The following PCDH9 variants were observed in gnomAD, a reference collection of about 807,000 sequenced individuals.
PCDH9 encodes the protein protocadherin-9.
PCDH9 carries 24 observed loss-of-function variants against 70.6 expected under a neutral mutation model. The observed-to-expected ratio is 0.34, with a 90% CI of 0.25 to 0.48. The LOEUF (loss-of-function observed/expected upper bound fraction) is 0.48, where lower values mean the gene tolerates loss of function less well. Ranked by LOEUF, PCDH9 falls within the 20% of genes least tolerant of loss-of-function variation. PCDH9 has a pLI of 0.99. For missense variants in PCDH9, 1,281 were observed against 1,503.6 expected (o/e 0.85, Z 2.45); for synonymous variants, 562 against 558.5 (o/e 1.01, Z -0.09).
At chr13:66,735,359 C>T (rs1050409698) in intron 3 of PCDH9, among the ~76,000 whole-genome samples, 1 of 152,100 alleles carries the variant, frequency 6.6e-6, no homozygotes, top group East Asian at 1.9e-4. Flanking sequence ...ATTTGTGAGA[C>T]TTAGAATTTA....
intron 3 of PCDH9, among the ~76,000 whole-genome samples, chr13:66,861,146 G>A (rs567466693): frequency 2.6e-5 from 4 of 152,318 alleles, no homozygotes; most frequent in Non-Finnish European, 4.4e-5. Flanking sequence ...ATGGGGTGGT[G>A]TGAAAATCAC....
chr13:66,849,200 A>G (rs1318430527), intron 3 of PCDH9, among the ~76,000 whole-genome samples: 1 of 151,890 alleles, frequency 6.6e-6, no homozygotes, highest in African/African-American at 2.4e-5. Flanking sequence ...ATATTACTAT[A>G]ACCACTACTA....
intron 4 of PCDH9, among the ~76,000 whole-genome samples, chr13:66,562,479 G>A (rs898362854): frequency 6.6e-6 from 1 of 152,182 alleles, no homozygotes; most frequent in Non-Finnish European, 1.5e-5. Flanking sequence ...CATGGCTGGG[G>A]AGGCCTCACA....
intron 4 of PCDH9, among the ~76,000 whole-genome samples, chr13:66,427,827 C>T (rs573089447): frequency 6.6e-6 from 1 of 151,656 alleles, no homozygotes; most frequent in Non-Finnish European, 1.5e-5. Context: ...TCACAACTCA[C>T]AGTAAAGTGT....
chr13:67,071,888 C>CAAAAAA (rs5804309), intron 2 of PCDH9, among the ~76,000 whole-genome samples: 3 of 86,688 alleles, frequency 3.5e-5, no homozygotes, highest in African/African-American at 1.3e-4. Context: ...GACTTTGTCT[C>CAAAAAA]AAAAAAAAAA....
intron 2 of PCDH9, among the ~76,000 whole-genome samples, chr13:66,991,326 G>A (rs2083998607): frequency 6.6e-6 from 1 of 151,926 alleles, no homozygotes; most frequent in African/African-American, 2.4e-5. Flanking sequence ...AAGGCTAGTG[G>A]ACGTTATAAA....
At chr13:66,855,181 C>CA (rs2081375209) in intron 3 of PCDH9, among the ~76,000 whole-genome samples, 1 of 152,030 alleles carries the variant, frequency 6.6e-6, no homozygotes, top group Non-Finnish European at 1.5e-5. Context: ...GGGAAGATGA[C>CA]TTGTCTGTGC....
chr13:66,831,839 ACT>A (rs1181164082), intron 3 of PCDH9, among the ~76,000 whole-genome samples: 2 of 152,178 alleles, frequency 1.3e-5, no homozygotes, highest in East Asian at 3.9e-4. Context: ...AGAAGATGAC[ACT>A]CAGCATCTGG....
At chr13:66,671,811 A>C (rs1178689592) in intron 3 of PCDH9, among the ~76,000 whole-genome samples, 2 of 152,236 alleles carry the variant, frequency 1.3e-5, no homozygotes, top group African/African-American at 4.8e-5. Flanking sequence ...ATTTGAACTT[A>C]TGTTTAAAAG....
At chr13:67,025,775 A>T (rs1477849320) in intron 2 of PCDH9, among the ~76,000 whole-genome samples, 1 of 152,172 alleles carries the variant, frequency 6.6e-6, no homozygotes, top group Non-Finnish European at 1.5e-5. Context: ...AAACGTATCA[A>T]ATTGCACTTT....
chr13:66,315,094 G>A (rs1349224351), intron 4 of PCDH9, among the ~76,000 whole-genome samples: 1 of 152,190 alleles, frequency 6.6e-6, no homozygotes, highest in African/African-American at 2.4e-5. Flanking sequence ...TAAAAATGAT[G>A]TGAGAGCAGC....
intron 4 of PCDH9, among the ~76,000 whole-genome samples, chr13:66,403,299 C>T (rs533644633): frequency 3.4e-5 from 5 of 147,368 alleles, no homozygotes; most frequent in Admixed American, 6.8e-5. Context: ...CCATGCCTGG[C>T]TTTTTTTTTT....
chr13:66,465,476 T>G (rs1284949141), intron 4 of PCDH9, among the ~76,000 whole-genome samples: 1 of 151,908 alleles, frequency 6.6e-6, no homozygotes, highest in African/African-American at 2.4e-5. Context: ...GGTAAGTATA[T>G]GTGACAGGTC....
chr13:67,001,873 G>A (rs1176739516), intron 2 of PCDH9: 6 of 152,178 alleles, frequency 3.9e-5, no homozygotes, highest in Non-Finnish European at 8.8e-5. Context: ...CAGAAAACTT[G>A]TAAGAATTTA....
In PCDH9 at chr13:67,227,201, C is replaced by A; in HGVS notation, c.1240G>T (p.Val414Leu). Residue 414 changes from valine (V) to leucine (L), a missense_variant, in exon 2 of 5, where the codon GTA becomes TTA. Coordinates refer to ENST00000377865, the MANE Select transcript of PCDH9 (RefSeq NM_203487.3). This position sits in a 1 kb window ranked among gnomAD's most constrained non-coding sequence, Gnocchi z 4.6. Reference sequence around the variant, plus strand: ...TCTAACAAATATTGGTTGTCATATACCGCCTTCAAATGAAATGGGACCTCT... The same window carrying A: ...TCTAACAAATATTGGTTGTCATATAACGCCTTCAAATGAAATGGGACCTCT... ...EREVPFHLKA[V>L]YDNQYLLETS... is the part of the protein sequence containing the mutation. 3 of 1,613,146 alleles carry A rather than the reference C, an allele frequency of 1.9e-6. No individual in the cohort carries two copies. Among genetic ancestry groups the A allele is most frequent in the Non-Finnish European group, 2.5e-6 (3 of 1,179,078 alleles).
At chr13:66,319,395 A>ATTAACT (rs1407160792) in intron 4 of PCDH9, among the ~76,000 whole-genome samples, 1 of 150,862 alleles carries the variant, frequency 6.6e-6, no homozygotes, top group African/African-American at 2.5e-5. Flanking sequence ...ATGGCAGATG[A>ATTAACT]ATTTGACTTT....
chr13:66,812,539 A>G (rs2080527882), intron 3 of PCDH9, among the ~76,000 whole-genome samples: 1 of 152,194 alleles, frequency 6.6e-6, no homozygotes, highest in Non-Finnish European at 1.5e-5. Flanking sequence ...TCTAGAAGCA[A>G]CTCATTTTCT....
intron 4 of PCDH9, among the ~76,000 whole-genome samples, chr13:66,543,363 G>A (rs1961048072): frequency 1.3e-5 from 2 of 152,106 alleles, no homozygotes; most frequent in Non-Finnish European, 2.9e-5. Context: ...GAGGTCAGGA[G>A]ATCAAGACCA....
intron 3 of PCDH9, among the ~76,000 whole-genome samples, chr13:66,900,141 T>TA (rs1470580237): frequency 6.6e-6 from 1 of 151,908 alleles, no homozygotes; most frequent in Non-Finnish European, 1.5e-5. Flanking sequence ...TGTTTGCTGT[T>TA]ACTTAGATAA....
Sources: gnomAD v4.1 joint callset for allele counts (sites outside exome capture counted in the v4.1 genomes callset) on GRCh38, gnomAD v4.1.1 for gene constraint, Gnocchi (gnomAD v3.1) non-coding constraint, MANE v1.5 for transcripts, NCBI Gene and HGNC (gene_info 2026-07-23, HGNC 2026-07-21) for gene names.